The following ANO10 variants were observed in gnomAD, a reference collection of about 807,000 sequenced individuals.
ANO10 encodes the protein anoctamin 10, also known as anoctamin-10.
Under a neutral mutation model 74.7 loss-of-function variants are expected in ANO10, and 77 were observed. The ratio of observed to expected loss-of-function variants is 1.03; its 90% confidence interval spans 0.86 to 1.25. ANO10 has a LOEUF of 1.25. ANO10 is among the 50% of genes most tolerant of loss of function. The pLI is 0.00. For missense variants in ANO10, 721 were observed against 778.1 expected (o/e 0.93, Z 0.87); for synonymous variants, 279 against 284.9 (o/e 0.98, Z 0.21).
At chr3:43,383,959 G>A (rs779493314) in intron 12 of ANO10, among the ~76,000 whole-genome samples, 26 of 152,138 alleles carry the variant, frequency 1.7e-4, no homozygotes, top group Middle Eastern at 3.4e-3. Context: ...CATCCAAATC[G>A]GTAAAGAGGA....
chr3:43,518,912 C>T (rs2077827418), intron 11 of ANO10, among the ~76,000 whole-genome samples: 1 of 152,116 alleles, frequency 6.6e-6, no homozygotes, highest in Non-Finnish European at 1.5e-5. Flanking sequence ...CGCTCTGCCC[C>T]CATTTGCCTT....
intron 11 of ANO10, among the ~76,000 whole-genome samples, chr3:43,541,991 T>C (rs1188752133): frequency 6.6e-6 from 1 of 152,124 alleles, no homozygotes; most frequent in Non-Finnish European, 1.5e-5. Context: ...GGAAGAGAAA[T>C]ATGATCAGAG....
At chr3:43,595,195 C>G (rs1232932097) in intron 4 of ANO10, among the ~76,000 whole-genome samples, 2 of 152,180 alleles carry the variant, frequency 1.3e-5, no homozygotes, top group African/African-American at 2.4e-5. Flanking sequence ...CAAAGAGGAG[C>G]TGGCACCATT....
At chr3:43,434,844 T>C (rs1559541120) in intron 11 of ANO10, among the ~76,000 whole-genome samples, 1 of 152,218 alleles carries the variant, frequency 6.6e-6, no homozygotes, top group Admixed American at 6.5e-5. Context: ...TGAAAAAAGT[T>C]GGTATTGATT....
chr3:43,623,636 G>C (rs2083464398), upstream of ANO10, among the ~76,000 whole-genome samples: 1 of 152,236 alleles, frequency 6.6e-6, no homozygotes, highest in South Asian at 2.1e-4. Context: ...AGGCTGGTCT[G>C]TTCTTTACTC....
intron 4 of ANO10, among the ~76,000 whole-genome samples, chr3:43,593,085 A>T (rs927590473): frequency 1.6e-4 from 24 of 152,192 alleles, no homozygotes; most frequent in Admixed American, 6.5e-5. Context: ...AAAAGAACAA[A>T]TCCTCCAAAA....
Position 43,565,745 on chromosome 3 carries a change from A to G in ANO10, c.1219-18T>C, listed in dbSNP as rs1189160305. On this transcript the variant is annotated intron_variant, in intron 7 of 12. Transcript: ENST00000292246. ...AAGTTGAACTGCCAAAAAAAAAAAAAAAAAAGATAAGTGTTAAGCACTGCT... is the reference window on the plus strand; with the variant it reads ...AAGTTGAACTGCCAAAAAAAAAAAAGAAAAAGATAAGTGTTAAGCACTGCT... 3.2e-6 allele frequency: 5 copies of G among 1,552,968 alleles called. No individual in the cohort carries two copies. Among genetic ancestry groups the G allele is most frequent in the Non-Finnish European group, 3.5e-6 (4 of 1,147,884 alleles).
intron 12 of ANO10, among the ~76,000 whole-genome samples, chr3:43,368,402 C>A (rs902100891): frequency 1.3e-5 from 2 of 152,182 alleles, no homozygotes; most frequent in Admixed American, 6.5e-5. Flanking sequence ...AATGACCCAC[C>A]ACTGCAAGAT....
chr3:43,652,801 A>G (rs1375755118), intron 1 of ANO10: 1 of 152,018 alleles, frequency 6.6e-6, no homozygotes, highest in East Asian at 1.9e-4. Context: ...TTGATTATAA[A>G]TTATTTTTAT....
At chr3:43,402,404 A>G (rs758202296) in intron 12 of ANO10, among the ~76,000 whole-genome samples, 5 of 152,078 alleles carry the variant, frequency 3.3e-5, no homozygotes, top group Non-Finnish European at 5.9e-5. Flanking sequence ...TTTCCCCTAC[A>G]TGTATTATGC....
chr3:43,559,666 G>A (rs1456844983), intron 9 of ANO10, among the ~76,000 whole-genome samples: 3 of 152,134 alleles, frequency 2.0e-5, no homozygotes, highest in Admixed American at 6.5e-5. Context: ...TACAGGGGAT[G>A]GACTGCTGGT....
chr3:43,435,110 C>G, intron 11 of ANO10, among the ~76,000 whole-genome samples: 1 of 152,214 alleles, frequency 6.6e-6, no homozygotes, highest in Non-Finnish European at 1.5e-5. Context: ...CGCTCCTAAA[C>G]TCACCTCGTC....
chr3:43,466,547 TA>T (rs1297262924), intron 11 of ANO10, among the ~76,000 whole-genome samples: 25 of 151,724 alleles, frequency 1.6e-4, no homozygotes, highest in Admixed American at 1.6e-3. Flanking sequence ...ACGACTAGAG[TA>T]ACAACTGGAT....
intron 11 of ANO10, among the ~76,000 whole-genome samples, chr3:43,545,728 C>A (rs2079162384): frequency 6.6e-6 from 1 of 151,984 alleles, no homozygotes; most frequent in Non-Finnish European, 1.5e-5. Context: ...AGAGGTATAA[C>A]TGACAAATAA....
intron 2 of ANO10, among the ~76,000 whole-genome samples, chr3:43,601,998 A>C (rs1253046317): frequency 6.6e-6 from 1 of 152,180 alleles, no homozygotes; most frequent in Non-Finnish European, 1.5e-5. Context: ...ACCTGAAACA[A>C]GGCCATTCCT....
upstream of ANO10, among the ~76,000 whole-genome samples, chr3:43,626,295 C>CTT (rs776440890): frequency 3.4e-4 from 46 of 135,652 alleles, no homozygotes; most frequent in Non-Finnish European, 5.1e-4. Flanking sequence ...ATGTTCTTCA[C>CTT]TTTTTTTTTT....
intron 4 of ANO10, among the ~76,000 whole-genome samples, chr3:43,587,256 A>G (rs1168484193): frequency 6.6e-6 from 1 of 152,216 alleles, no homozygotes; most frequent in Non-Finnish European, 1.5e-5. Context: ...TACCTATAAC[A>G]TATGCCTACA....
intron 11 of ANO10, among the ~76,000 whole-genome samples, chr3:43,529,576 T>C (rs761375188): frequency 6.6e-6 from 1 of 152,086 alleles, no homozygotes; most frequent in Non-Finnish European, 1.5e-5. Context: ...AACAAAAAGA[T>C]TTAAACCTAT....
At chr3:43,628,837 G>C (rs988134703) in intron 1 of ANO10, among the ~76,000 whole-genome samples, 1 of 152,052 alleles carries the variant, frequency 6.6e-6, no homozygotes, top group Non-Finnish European at 1.5e-5. Flanking sequence ...TGGTCAGACC[G>C]GTTGCTCTCA....
Sources: gnomAD v4.1 joint callset for allele counts (sites outside exome capture counted in the v4.1 genomes callset) on GRCh38, gnomAD v4.1.1 for gene constraint, MANE v1.5 for transcripts, NCBI Gene and HGNC (gene_info 2026-07-23, HGNC 2026-07-21) for gene names.